Variants in PDZD2 observed in about 807,000 individuals in gnomAD.
PDZD2 encodes the protein PDZ domain containing 2.
A neutral mutation model predicts 220.7 loss-of-function variants in PDZD2; 90 were observed. The ratio of observed to expected loss-of-function variants is 0.41; its 90% CI spans 0.34 to 0.49. The LOEUF is 0.49. Ranked by LOEUF, PDZD2 falls within the 20% of genes least tolerant of loss-of-function variation. The probability of loss-of-function intolerance (pLI) is 0.28; values close to 1 mark genes in which losing one functional copy is unlikely to be tolerated. For synonymous variants in PDZD2, 1,375 were observed against 1,450.5 expected, an observed-to-expected ratio of 0.95 and a Z score of 1.18; for missense variants, 3,174 against 3,608.5, an observed-to-expected ratio of 0.88 and a Z score of 3.08.
intron 2 of PDZD2, among the ~76,000 whole-genome samples, chr5:31,886,628 A>G (rs999304313): frequency 2.6e-4 from 21 of 79,752 alleles, no homozygotes; most frequent in African/African-American, 1.8e-3. Flanking sequence ...GTCTTATTGG[A>G]GGACCCAGTG....
chr5:31,948,818 G>A (rs1007082629), intron 2 of PDZD2, among the ~76,000 whole-genome samples: 3 of 152,076 alleles, frequency 2.0e-5, no homozygotes, highest in Non-Finnish European at 4.4e-5. Context: ...ATTGTTTTAG[G>A]CTGGGTGTGG....
At chr5:31,971,400 C>A (rs1386212327) in intron 2 of PDZD2, among the ~76,000 whole-genome samples, 1 of 152,212 alleles carries the variant, frequency 6.6e-6, no homozygotes, top group Non-Finnish European at 1.5e-5. Flanking sequence ...ATTCACGAGG[C>A]CTCTGGCCCC....
At chr5:31,927,401 T>A (rs1217927865) in intron 2 of PDZD2, among the ~76,000 whole-genome samples, 1 of 152,162 alleles carries the variant, frequency 6.6e-6, no homozygotes, top group Non-Finnish European at 1.5e-5. Context: ...GTTTGTTTGT[T>A]TGAGACAGTG....
At chr5:31,972,457 C>T (rs1426700594) in intron 2 of PDZD2, among the ~76,000 whole-genome samples, 1 of 151,484 alleles carries the variant, frequency 6.6e-6, no homozygotes, top group Non-Finnish European at 1.5e-5. Flanking sequence ...CACTTTCTAA[C>T]ACACCTTATA....
intron 2 of PDZD2, among the ~76,000 whole-genome samples, chr5:31,856,428 A>G (rs189188403): frequency 0.015 from 2,198 of 150,798 alleles, 52 homozygotes; most frequent in African/African-American, 0.052. Context: ...CAAAAGAAAC[A>G]AGAAAGGGAA....
intron 2 of PDZD2, among the ~76,000 whole-genome samples, chr5:31,963,569 G>A (rs145321390): frequency 2.1e-3 from 322 of 152,306 alleles, no homozygotes; most frequent in African/African-American, 7.0e-3. Context: ...AGCTGATCCC[G>A]CAGCCTCGCT....
Position 31,963,546 on chromosome 5 carries a change from A to C in PDZD2, c.477-19609A>C, listed in dbSNP as rs73751736. 7.3e-3 allele frequency among the ~76,000 whole-genome samples: 1,111 copies of C among 152,262 alleles called. 12 individuals are homozygous for C. Among genetic ancestry groups the C allele is most frequent in the African/African-American group, 0.026 (1,064 of 41,534 alleles). The stretch of plus-strand genomic sequence containing the variant: ...CAGCCTAGCCTGCATGTTTTACAGA[A>C]TATTCAGGGGTCAGCTGATCCCGCA... On this transcript the variant is annotated intron_variant, in intron 2 of 24. Coordinates refer to ENST00000438447, the MANE Select transcript of PDZD2 (RefSeq NM_178140.4).
intron 2 of PDZD2, among the ~76,000 whole-genome samples, chr5:31,849,923 T>C (rs868147236): frequency 0.015 from 332 of 22,454 alleles, 76 homozygotes; most frequent in Non-Finnish European, 0.019. Flanking sequence ...TATATACATA[T>C]ATATATATAC....
At chr5:31,750,086 C>CT (rs1750854503) in intron 1 of PDZD2, among the ~76,000 whole-genome samples, 1 of 152,194 alleles carries the variant, frequency 6.6e-6, no homozygotes, top group African/African-American at 2.4e-5. Context: ...TTATCCTGCC[C>CT]TTCTTGTCCA....
At position 31,977,024 on chromosome 5, in the gene PDZD2, T is replaced by G. The variant is rs573989912; in HGVS notation, c.477-6131T>G. 6.2e-4 allele frequency among the ~76,000 whole-genome samples: 93 copies of G among 149,250 alleles called. 1 individual carries two copies. Among genetic ancestry groups the G allele is most frequent in the African/African-American group, 2.2e-3 (88 of 40,900 alleles). On this transcript the variant is annotated intron_variant, in intron 2 of 24. Transcript: ENST00000438447. ...AGCCAACGCGCCTGGCCAGTTTTGT[T>G]TTTTTTTTTTTAAAGTAGAGACAGC...
intron 2 of PDZD2, among the ~76,000 whole-genome samples, chr5:31,812,659 G>T (rs1005500586): frequency 7.2e-5 from 11 of 152,198 alleles, no homozygotes; most frequent in African/African-American, 2.7e-4. Context: ...AGGCTCACCT[G>T]ATGAAGTGGG....
At chr5:31,703,529 G>A (rs1370676421) in intron 1 of PDZD2, among the ~76,000 whole-genome samples, 2 of 152,110 alleles carry the variant, frequency 1.3e-5, no homozygotes, top group South Asian at 2.1e-4. Flanking sequence ...TAACGCATGC[G>A]GGGCTTAAAC....
At chr5:31,673,276 TAC>T (rs1746284248) in intron 1 of PDZD2, among the ~76,000 whole-genome samples, 1 of 152,208 alleles carries the variant, frequency 6.6e-6, no homozygotes, top group South Asian at 2.1e-4. Flanking sequence ...CTCTGCACAA[TAC>T]AGAGTGAGTA....
At chr5:31,746,596 T>C (rs1019005826) in intron 1 of PDZD2, among the ~76,000 whole-genome samples, 1 of 152,200 alleles carries the variant, frequency 6.6e-6, no homozygotes, top group Admixed American at 6.5e-5. Flanking sequence ...AAAGGGGTGC[T>C]ATTATCCAAG....
chr5:32,052,937 A>G (rs1216728573), intron 9 of PDZD2, among the ~76,000 whole-genome samples: 1 of 152,160 alleles, frequency 6.6e-6, no homozygotes, highest in Admixed American at 6.5e-5. Flanking sequence ...CGACTTCCCA[A>G]AGCACTGAGA....
At chr5:31,724,136 T>G (rs1385723255) in intron 1 of PDZD2, among the ~76,000 whole-genome samples, 1 of 152,220 alleles carries the variant, frequency 6.6e-6, no homozygotes, top group East Asian at 1.9e-4. Flanking sequence ...TCAACAATAC[T>G]CCTTAAACTT....
At chr5:31,950,971 A>G (rs1260174116) in intron 2 of PDZD2, among the ~76,000 whole-genome samples, 1 of 152,196 alleles carries the variant, frequency 6.6e-6, no homozygotes. Context: ...CGGCAGATTC[A>G]GTGTCTGGTG....
chr5:31,815,245 CAA>C (rs59040987), intron 2 of PDZD2, among the ~76,000 whole-genome samples: 715 of 57,894 alleles, frequency 0.012, 2 homozygotes, highest in African/African-American at 0.043. Context: ...AACTCTGTCT[CAA>C]AAAAAAAAAA....
chr5:31,991,172 T>G (rs1374407721), intron 3 of PDZD2, among the ~76,000 whole-genome samples: 1 of 152,202 alleles, frequency 6.6e-6, no homozygotes, highest in African/African-American at 2.4e-5. Context: ...GTTGGAGGGC[T>G]TATGCTGAGT....
Sources: allele counts gnomAD v4.1 joint callset (sites outside exome capture counted in the v4.1 genomes callset), GRCh38; gene constraint gnomAD v4.1.1; transcripts MANE v1.5; gene names NCBI Gene and HGNC (gene_info 2026-07-23, HGNC 2026-07-21).